The following IGSF21 variants were observed in gnomAD, a reference collection of about 807,000 sequenced individuals.
The protein encoded by IGSF21 is immunoglobulin superfamily member 21.
IGSF21 carries 28 observed loss-of-function variants against 46.8 expected under a neutral mutation model. That is an observed-to-expected ratio of 0.60 (90% confidence interval 0.44 to 0.82). IGSF21 has a LOEUF of 0.82. IGSF21 is among the 40% of genes least tolerant of loss of function. The pLI is 0.00. For missense variants in IGSF21, 624 were observed against 665.5 expected (o/e 0.94, Z 0.69); for synonymous variants, 284 against 273.6 (o/e 1.04, Z -0.38).
chr1:18,217,764 G>T (rs1342383930), intron 1 of IGSF21, among the ~76,000 whole-genome samples: 2 of 152,302 alleles, frequency 1.3e-5, no homozygotes, highest in East Asian at 3.9e-4. Context: ...GAGGTGGTGG[G>T]AAGAGTGTTG....
intron 2 of IGSF21, among the ~76,000 whole-genome samples, chr1:18,259,104 A>G (rs1327329982): frequency 5.9e-5 from 9 of 152,184 alleles, no homozygotes; most frequent in Admixed American, 5.2e-4. Flanking sequence ...AAAACAGTAA[A>G]AGGAGAAAGA....
Position 18,335,811 on chromosome 1 carries a change from T to C in IGSF21, c.424+801T>C, listed in dbSNP as rs1263767963. Among the ~76,000 whole-genome samples, 1 of 152,054 alleles carries C rather than the reference T, an allele frequency of 6.6e-6. No homozygotes were observed. The highest frequency in any genetic ancestry group is 1.5e-5 in the Non-Finnish European group (1 of 68,006). ...CTGAAAGCCGCCGCTTCTGGGGAAA[T>C]TGAAAACCTCCAAAGGCCAGACCTC... On this transcript the variant is annotated intron_variant, in intron 4 of 9. Coordinates refer to ENST00000251296, the MANE Select transcript of IGSF21 (RefSeq NM_032880.5). The surrounding 1 kb of genome is among the most constrained non-coding windows in gnomAD (Gnocchi z 4.8).
At chr1:18,263,970 A>G (rs543058740) in intron 2 of IGSF21, among the ~76,000 whole-genome samples, 1 of 152,354 alleles carries the variant, frequency 6.6e-6, no homozygotes, top group African/African-American at 2.4e-5. Flanking sequence ...TGCCTGGGAT[A>G]AAACTATTTT....
At chr1:18,163,699 G>C (rs2086650350) in intron 1 of IGSF21, among the ~76,000 whole-genome samples, 1 of 152,182 alleles carries the variant, frequency 6.6e-6, no homozygotes, top group African/African-American at 2.4e-5. Flanking sequence ...GCCAGCATTG[G>C]TGGGTGGGAA....
intron 3 of IGSF21, among the ~76,000 whole-genome samples, chr1:18,318,465 C>CGTGTGTGTGT (rs60257732): frequency 4.0e-5 from 6 of 148,704 alleles, no homozygotes; most frequent in African/African-American, 1.2e-4. Flanking sequence ...TGCGTGCGTG[C>CGTGTGTGTGT]GTGTGTGTGT....
At chr1:18,289,323 C>T (rs1040373134) in intron 2 of IGSF21, among the ~76,000 whole-genome samples, 1 of 152,140 alleles carries the variant, frequency 6.6e-6, no homozygotes, top group African/African-American at 2.4e-5. Flanking sequence ...ATCCTCACAC[C>T]TCCACTGAGA....
chr1:18,261,751 A>G (rs986815902), intron 2 of IGSF21, among the ~76,000 whole-genome samples: 4 of 152,204 alleles, frequency 2.6e-5, no homozygotes, highest in Non-Finnish European at 4.4e-5. Context: ...TTAACCTTGA[A>G]GATGCCAGAG....
intron 4 of IGSF21, among the ~76,000 whole-genome samples, chr1:18,342,385 A>T (rs851448): frequency 0.39 from 59,854 of 151,734 alleles, 12,329 homozygotes; most frequent in African/African-American, 0.53. Flanking sequence ...TGAGCCACCA[A>T]GCCCGGCCCT....
intron 3 of IGSF21, among the ~76,000 whole-genome samples, chr1:18,312,066 G>T (rs984249682): frequency 6.6e-6 from 1 of 152,084 alleles, no homozygotes; most frequent in Non-Finnish European, 1.5e-5. Context: ...CTGCTTCTCC[G>T]TAGCGTGTAT....
intron 1 of IGSF21, chr1:18,110,416 G>C (rs1055274255): frequency 2.0e-5 from 3 of 152,378 alleles, no homozygotes; most frequent in African/African-American, 7.2e-5. Context: ...GCCCTTCCTG[G>C]AGGTGGCCGA....
At chr1:18,160,439 T>A (rs2086607942) in intron 1 of IGSF21, among the ~76,000 whole-genome samples, 1 of 152,234 alleles carries the variant, frequency 6.6e-6, no homozygotes, top group East Asian at 1.9e-4. Flanking sequence ...AGATTTCCTA[T>A]AATGGCAGGC....
chr1:18,296,658 T>C lies in IGSF21; in HGVS notation c.305+4671T>C, dbSNP rs562595400. ...TTTCTCAAATTCCATCTGCTTAAAATATTCAATATACCAAGGTGCCAAATT... is the reference window on the plus strand; with the variant it reads ...TTTCTCAAATTCCATCTGCTTAAAACATTCAATATACCAAGGTGCCAAATT... On this transcript the variant is annotated intron_variant, in intron 3 of 9. Coordinates refer to ENST00000251296, the MANE Select transcript of IGSF21 (RefSeq NM_032880.5). Among the ~76,000 whole-genome samples the C allele has an allele frequency of 3.3e-5, 5 of 152,282 alleles. No homozygotes were observed. In the East Asian group the frequency reaches 9.7e-4, roughly 29 times the overall value.
At chr1:18,295,982 CA>C (rs1276022063) in intron 3 of IGSF21, among the ~76,000 whole-genome samples, 1 of 152,152 alleles carries the variant, frequency 6.6e-6, no homozygotes, top group Non-Finnish European at 1.5e-5. Flanking sequence ...ATGAAATGTG[CA>C]AAATGAGCGG....
chr1:18,310,054 C>T (rs982399849), intron 3 of IGSF21, among the ~76,000 whole-genome samples: 15 of 152,188 alleles, frequency 9.9e-5, no homozygotes, highest in Admixed American at 3.3e-4. Context: ...TCCCCAGTCC[C>T]GCCTGTGGCT....
intron 1 of IGSF21, among the ~76,000 whole-genome samples, chr1:18,195,837 G>T (rs559251028): frequency 5.9e-5 from 9 of 152,336 alleles, no homozygotes; most frequent in African/African-American, 2.2e-4. Context: ...ATAAACAGAT[G>T]CTGGTCCCTA....
chr1:18,177,314 A>G (rs1457982244), intron 1 of IGSF21, among the ~76,000 whole-genome samples: 1 of 152,162 alleles, frequency 6.6e-6, no homozygotes, highest in Non-Finnish European at 1.5e-5. Flanking sequence ...TGCCCCGAAA[A>G]GTCCATGCAG....
rs1448263941 is a variant in IGSF21 at position 18,371,713 on chromosome 1, TTGAC to T, written c.1016-4594_1016-4591del. 2.0e-5 allele frequency among the ~76,000 whole-genome samples: 3 copies of T among 152,260 alleles called. No homozygotes were observed. In the East Asian group the frequency reaches 5.8e-4, roughly 29 times the overall value. On this transcript the variant is annotated intron_variant, in intron 6 of 9. Transcript: ENST00000251296. ...AGTGTTGGCCTATGAAGAATGGAAA[TTGAC>T]TGGAAGGAGGCCTCTGCTCGAGTCC... is the stretch of plus-strand genomic sequence containing the variant.
At chr1:18,269,182 T>C (rs1272818000) in intron 2 of IGSF21, among the ~76,000 whole-genome samples, 1 of 152,194 alleles carries the variant, frequency 6.6e-6, no homozygotes, top group Non-Finnish European at 1.5e-5. Context: ...CTGCAGACTC[T>C]GATGGGATCC....
At chr1:18,361,797 C>T (rs752302418) in intron 4 of IGSF21, 12 of 237,276 alleles carry the variant, frequency 5.1e-5, no homozygotes, top group Admixed American at 1.6e-4. Flanking sequence ...CTCCCAGGCT[C>T]GGGCAGAGTC....
Sources: allele counts gnomAD v4.1 joint callset (sites outside exome capture counted in the v4.1 genomes callset), GRCh38; gene constraint gnomAD v4.1.1; non-coding constraint Gnocchi (gnomAD v3.1); transcripts MANE v1.5; gene names NCBI Gene and HGNC (gene_info 2026-07-23, HGNC 2026-07-21).